STRA6: variants seen among roughly 807,000 people sequenced by gnomAD.
STRA6 encodes receptor for retinol uptake STRA6.
In STRA6, 48 loss-of-function variants were observed where a neutral mutation model predicts 83.6. That is an observed-to-expected ratio of 0.57 (90% confidence interval 0.46 to 0.73). The LOEUF is 0.73. STRA6 is among the 30% of genes least tolerant of loss of function. STRA6 has a pLI of 0.00. For synonymous variants in STRA6, 353 were observed against 362.3 expected, an observed-to-expected ratio of 0.97 and a Z score of 0.29; for missense variants, 760 against 838.8, an observed-to-expected ratio of 0.91 and a Z score of 1.16.
At chr15:74,195,892 T>G in intron 5 of STRA6, 116 bp downstream of exon 5, 1 of 1,437,582 alleles carries the variant, frequency 7.0e-7, no homozygotes, top group East Asian at 2.4e-5. Flanking sequence ...TAGCAGCCCA[T>G]CTCATTGACA....
chr15:74,195,029 G>A, intron 7 of STRA6: 1 of 1,435,156 alleles, frequency 7.0e-7, no homozygotes, highest in Admixed American at 2.8e-5. Context: ...GGCCATTTCA[G>A]GCTTTCTCTT....
At position 74,195,817 on chromosome 15, in the gene STRA6, C is replaced by T. The variant is rs144458050; in HGVS notation, c.407-142G>A. 4.3e-3 allele frequency: 4,111 copies of T among 958,496 alleles called. 25 individuals carry two copies. The highest frequency in any genetic ancestry group is 0.017 in the South Asian group (1,067 of 61,614). The allele number at this position is 958,496 out of a possible 1,614,324, so 59.4% of individuals were successfully genotyped here. On this transcript the variant is annotated intron_variant, in intron 5 of 18. Transcript: ENST00000395105. ...TCAGTTCCTCCATTGCAAAATGGGGCTAATATGCATACTTTGTAGCATCGT... is the reference window on the plus strand; with the variant it reads ...TCAGTTCCTCCATTGCAAAATGGGGTTAATATGCATACTTTGTAGCATCGT...
chr15:74,180,370 T>C, intron 18 of STRA6, 127 bp from the exon 19 acceptor site: 1 of 1,204,262 alleles, frequency 8.3e-7, no homozygotes, highest in Non-Finnish European at 1.2e-6. Flanking sequence ...GGATGTCCCC[T>C]GCAGGCAGCA....
Position 74,179,867 on chromosome 15 carries a change from G to T in STRA6, c.*213C>A. 1.6e-6 allele frequency: 1 copy of T among 625,220 alleles called. No homozygotes were observed. Among genetic ancestry groups the T allele is most frequent in the Non-Finnish European group, 2.7e-6 (1 of 370,578 alleles). 38.7% of individuals were successfully genotyped at this position (625,220 alleles called of 1,614,324 possible). A position where few individuals can be genotyped will look rare whatever the true frequency, so the allele number is the denominator to read the frequency against. ...CCTAACCCACCAGTTTCTTTCTCCA[G>T]AACCCCTGCTGGCTCTCCCATAGCC... On this transcript the variant is annotated 3_prime_UTR_variant, in exon 19 of 19. Coordinates refer to ENST00000395105, the MANE Select transcript of STRA6 (RefSeq NM_022369.4).
chr15:74,207,918 G>A, intron 1 of STRA6: 1 of 1,478,484 alleles, frequency 6.8e-7, no homozygotes, highest in Non-Finnish European at 9.0e-7. Context: ...CTCACGGCAG[G>A]AAGAGTATGG....
intron 12 of STRA6, among the ~76,000 whole-genome samples, chr15:74,186,236 G>T (rs1440685845): frequency 6.6e-6 from 1 of 152,210 alleles, no homozygotes; most frequent in Non-Finnish European, 1.5e-5. Context: ...CAAAGGCAGA[G>T]CCTTCATGAT....
chr15:74,182,897 T>A (rs1347922449), intron 14 of STRA6: 1 of 227,022 alleles, frequency 4.4e-6, no homozygotes, highest in African/African-American at 2.6e-5. Flanking sequence ...GATTAGAGAA[T>A]GATGTCTACA....
At position 74,197,355 on chromosome 15, in the gene STRA6, G is replaced by A; in HGVS notation, c.249C>T (p.Gly83=). 6.4e-7 allele frequency: 1 copy of A among 1,550,498 alleles called. No homozygotes were observed. Among genetic ancestry groups the A allele is most frequent in the Non-Finnish European group, 8.7e-7 (1 of 1,146,902 alleles). The change falls in exon 4 of 19, where the codon GGC becomes GGT. Residue 83 remains glycine (G), a synonymous_variant. Transcript: ENST00000395105. ...GTACAAACCTGGGCAGGCCGGGCCT[G>A]CCACGCACACAGTCAGGCCAGAGCT... The part of the protein sequence containing the change: ...RRQLWPDCVR[G]RPGLPSPVDF...
At position 74,188,398 on chromosome 15, in the gene STRA6, G is replaced by A. The variant is rs552676290; in HGVS notation, c.1090+717C>T. Among the ~76,000 whole-genome samples, 16 of 152,356 alleles carry A rather than the reference G, an allele frequency of 1.1e-4. No individual in the cohort carries two copies. The highest frequency in any genetic ancestry group is 4.1e-4 in the South Asian group (2 of 4,834). ...GCATGCCTCCTGAGTCCTCAGCACCGGGCTTTGTCCCAAGGTGATGGAGAA... is the reference window on the plus strand; with the variant it reads ...GCATGCCTCCTGAGTCCTCAGCACCAGGCTTTGTCCCAAGGTGATGGAGAA... On this transcript the variant is annotated intron_variant, in intron 12 of 18. Coordinates refer to ENST00000395105, the MANE Select transcript of STRA6 (RefSeq NM_022369.4). The surrounding 1 kb of genome is among the most constrained non-coding windows in gnomAD (Gnocchi z 4.5).
At chr15:74,181,505 C>T (rs2072988023) in intron 16 of STRA6, 47 bp from the exon 17 acceptor site, 1 of 1,603,598 alleles carries the variant, frequency 6.2e-7, no homozygotes, top group African/African-American at 1.3e-5. Flanking sequence ...CCAGAGCTCC[C>T]TCCCCAGGGT....
intron 3 of STRA6, 99 bp from the exon 4 acceptor site, chr15:74,197,522 G>T (rs942868055): frequency 7.3e-5 from 84 of 1,150,452 alleles, no homozygotes; most frequent in Non-Finnish European, 1.1e-4. Context: ...TCCCCTACCT[G>T]CCCAGTGCAC....
At chr15:74,190,817 G>T (rs756428973) in intron 11 of STRA6, 23 bp downstream of exon 11, 2 of 1,614,012 alleles carry the variant, frequency 1.2e-6, no homozygotes, top group Admixed American at 3.3e-5. Context: ...GAGGCAGATG[G>T]CAGTACAGGG....
rs146742001 is a variant in STRA6, at chr15:74,194,883, CG to C, written c.597+418del. 6.8e-3 allele frequency: 9,436 copies of C among 1,384,882 alleles called. 471 individuals are homozygous for C. The African/African-American group carries it at 0.11, about 16-fold the overall frequency. The allele number at this position is 1,384,882 out of a possible 1,614,324, so 85.8% of individuals were successfully genotyped here. The stretch of plus-strand genomic sequence containing the variant: ...GCCAGTGAGCAAGGTCCTGAGGTTC[CG>C]GAATTCTCCTCTCAGCCCTCTTAGA... On this transcript the variant is annotated intron_variant, in intron 7 of 18. Transcript: ENST00000395105.
intron 12 of STRA6, among the ~76,000 whole-genome samples, chr15:74,186,687 C>A (rs1471721464): frequency 6.6e-6 from 1 of 152,190 alleles, no homozygotes; most frequent in Non-Finnish European, 1.5e-5. Flanking sequence ...GGGAGAATTG[C>A]TTGAACCCAG....
Position 74,202,779 on chromosome 15 carries a change from G to A in STRA6, c.-82C>T. The A allele has an allele frequency of 1.7e-6, 2 of 1,156,196 alleles. No homozygotes were observed. The highest frequency in any genetic ancestry group is 4.3e-5 in the East Asian group (1 of 23,522). The allele number at this position is 1,156,196 out of a possible 1,614,324, so 71.6% of individuals were successfully genotyped here. A position where few individuals can be genotyped will look rare whatever the true frequency, so the allele number is the denominator to read the frequency against. The stretch of plus-strand genomic sequence containing the variant: ...GGGTAGGCAGCCCACGGCCAGCTCC[G>A]CACTGCCTGCCTGGGCCCTCCCAGC... On this transcript the variant is annotated 5_prime_UTR_variant, in exon 1 of 19. Transcript: ENST00000395105.
intron 2 of STRA6, among the ~76,000 whole-genome samples, chr15:74,199,153 C>A (rs1048639774): frequency 1.3e-5 from 2 of 152,194 alleles, no homozygotes; most frequent in South Asian, 2.1e-4. Flanking sequence ...GGCTTAGCCG[C>A]CCACCAAAAC....
chr15:74,208,253 A>G (rs1181734031), intron 1 of STRA6, among the ~76,000 whole-genome samples: 2 of 152,144 alleles, frequency 1.3e-5, no homozygotes, highest in African/African-American at 4.8e-5. Context: ...AAGGGAGGCA[A>G]TCAAGAAGAG....
upstream of STRA6, among the ~76,000 whole-genome samples, chr15:74,206,191 GC>G (rs2074257747): frequency 6.6e-6 from 1 of 152,164 alleles, no homozygotes; most frequent in African/African-American, 2.4e-5. Flanking sequence ...CTTCCTAGGT[GC>G]CCCCATTGCC....
chr15:74,191,852 C>A, intron 8 of STRA6: 1 of 402,300 alleles, frequency 2.5e-6, no homozygotes, highest in Non-Finnish European at 4.7e-6. Flanking sequence ...CAAAGGGAAG[C>A]TTGTGTCCCA....
Sources: gnomAD v4.1 joint callset for allele counts (sites outside exome capture counted in the v4.1 genomes callset) on GRCh38, gnomAD v4.1.1 for gene constraint, Gnocchi (gnomAD v3.1) non-coding constraint, MANE v1.5 for transcripts, NCBI Gene and HGNC (gene_info 2026-07-23, HGNC 2026-07-21) for gene names.